RIMKLB: variants seen among roughly 807,000 people sequenced by gnomAD.
RIMKLB encodes ribosomal modification protein rimK like family member B, also known as beta-citrylglutamate synthase B.
A neutral mutation model predicts 32.0 loss-of-function variants in RIMKLB; 7 were observed. That is an observed-to-expected ratio of 0.22 (90% CI 0.12 to 0.41). RIMKLB has a LOEUF of 0.41. Ranked by LOEUF, RIMKLB falls within the 10% of genes least tolerant of loss-of-function variation. The pLI is 1.00. For synonymous variants in RIMKLB, 172 were observed against 185.1 expected (o/e 0.93, Z 0.57); for missense variants, 289 against 498.7 (o/e 0.58, Z 4.00).
chr12:8,692,003 G>T (rs760056586), intron 1 of RIMKLB, among the ~76,000 whole-genome samples: 2 of 149,538 alleles, frequency 1.3e-5, no homozygotes, highest in Non-Finnish European at 3.0e-5. Context: ...CCAAGAGAGG[G>T]TTTTTTTTTT....
intron 2 of RIMKLB, among the ~76,000 whole-genome samples, chr12:8,733,123 T>C (rs1465222237): frequency 6.6e-6 from 1 of 152,174 alleles, no homozygotes; most frequent in Non-Finnish European, 1.5e-5. Flanking sequence ...GACATTTTGT[T>C]TGAAACAACT....
chr12:8,758,711 C>G (rs1310892874), intron 5 of RIMKLB, among the ~76,000 whole-genome samples: 4 of 152,298 alleles, frequency 2.6e-5, no homozygotes, highest in Admixed American at 2.6e-4. Context: ...TTTTGCTGTT[C>G]AGCATCATGA....
chr12:8,698,854 A>G (rs1485554025), intron 1 of RIMKLB, among the ~76,000 whole-genome samples: 1 of 152,166 alleles, frequency 6.6e-6, no homozygotes, highest in Non-Finnish European at 1.5e-5. Flanking sequence ...TTCCTTTGAC[A>G]GTCTCTGAAT....
chr12:8,680,096 C>T (rs60389926), upstream of RIMKLB, among the ~76,000 whole-genome samples: 4,491 of 152,230 alleles, frequency 0.03, 216 homozygotes, highest in African/African-American at 0.1. Flanking sequence ...AGTTTACAAA[C>T]GCCATAACAA....
intron 1 of RIMKLB, chr12:8,699,736 C>CT (rs1943219531): frequency 1.3e-5 from 2 of 152,248 alleles, no homozygotes; most frequent in African/African-American, 4.8e-5. Flanking sequence ...TGTTTTTTAT[C>CT]TTTCTCTGTC....
chr12:8,698,231 C>T lies in RIMKLB; in HGVS notation c.-123C>T, dbSNP rs1035947358. The T allele has an allele frequency of 2.7e-6, 1 of 373,476 alleles. No homozygotes were observed. Among genetic ancestry groups the T allele is most frequent in the Non-Finnish European group, 5.4e-6 (1 of 183,626 alleles). 23.1% of individuals were successfully genotyped at this position (373,476 alleles called of 1,614,324 possible). A position where few individuals can be genotyped will look rare whatever the true frequency, so the allele number is the denominator to read the frequency against. ...CCCCACTTCCAGCCGCCCGGCGGCC[C>T]GCGCTTCCTCGAAGGCCCCAGCCCG... On this transcript the variant is annotated 5_prime_UTR_variant, in exon 1 of 6. Coordinates refer to ENST00000535829, the MANE Select transcript of RIMKLB (RefSeq NM_001297776.2).
intron 2 of RIMKLB, among the ~76,000 whole-genome samples, chr12:8,718,653 C>CTA (rs369394381): frequency 6.6e-4 from 91 of 138,436 alleles, no homozygotes; most frequent in Non-Finnish European, 7.9e-4. Flanking sequence ...CTCTCTCTCT[C>CTA]TATATATATA....
chr12:8,755,256 C>T (rs1325846740), intron 5 of RIMKLB, among the ~76,000 whole-genome samples: 2 of 151,064 alleles, frequency 1.3e-5, no homozygotes, highest in South Asian at 2.1e-4. Context: ...CAGCGCCGGG[C>T]TAATTTTTTA....
rs145985397 is a variant in RIMKLB at position 8,719,215 on chromosome 12, C to T, written c.175+5174C>T. ...TAGTAATATGAATTTAAGGTTTTTC[C>T]ACGTCTTTTCCTGGCTTGAGAGCTC... is the stretch of plus-strand genomic sequence containing the variant. On this transcript the variant is annotated intron_variant, in intron 2 of 5. Coordinates refer to ENST00000535829, the MANE Select transcript of RIMKLB (RefSeq NM_001297776.2). Among the ~76,000 whole-genome samples, 32 of 152,212 alleles carry T rather than the reference C, an allele frequency of 2.1e-4. No individual in the cohort carries two copies. In the East Asian group the frequency reaches 6.0e-3, roughly 28 times the overall value.
At chr12:8,698,583 A>T (rs1368088170) in intron 1 of RIMKLB, among the ~76,000 whole-genome samples, 1 of 151,974 alleles carries the variant, frequency 6.6e-6, no homozygotes. Context: ...GGGGGCGGCG[A>T]CTTCGGGCGT....
At position 8,774,900 on chromosome 12, in the gene RIMKLB, G is replaced by A. The variant is rs775598244; in HGVS notation, c.*1116G>A. 76 of 985,628 alleles carry A rather than the reference G, an allele frequency of 7.7e-5. No individual in the cohort carries two copies. Among genetic ancestry groups the A allele is most frequent in the East Asian group, 1.1e-4 (1 of 8,820 alleles). The allele number at this position is 985,628 out of a possible 1,614,324, so 61.1% of individuals were successfully genotyped here. A position where few individuals can be genotyped will look rare whatever the true frequency, so the allele number is the denominator to read the frequency against. ...TGTGTATGTGTGTGCACGCATGCATGTGTATGTGTTTTGCTTTTTGTTTCC... is the reference window on the plus strand; with the variant it reads ...TGTGTATGTGTGTGCACGCATGCATATGTATGTGTTTTGCTTTTTGTTTCC... On this transcript the variant is annotated 3_prime_UTR_variant, in exon 6 of 6. Coordinates refer to ENST00000535829, the MANE Select transcript of RIMKLB (RefSeq NM_001297776.2).
upstream of RIMKLB, among the ~76,000 whole-genome samples, chr12:8,693,065 C>G (rs765443094): frequency 6.6e-6 from 1 of 152,286 alleles, no homozygotes; most frequent in South Asian, 2.1e-4. Context: ...TGATCAAATC[C>G]CCGCTAGTTT....
At chr12:8,701,899 G>C (rs1163883267) in intron 1 of RIMKLB, among the ~76,000 whole-genome samples, 1 of 151,706 alleles carries the variant, frequency 6.6e-6, no homozygotes, top group Admixed American at 6.6e-5. Context: ...CAGCTACTCG[G>C]GGGGGCTGAG....
At chr12:8,691,714 T>G (rs55645860) in intron 1 of RIMKLB, among the ~76,000 whole-genome samples, 70 of 152,316 alleles carry the variant, frequency 4.6e-4, no homozygotes, top group African/African-American at 1.7e-3. Context: ...GATAACCACA[T>G]GAACTTAGAC....
chr12:8,750,529 C>A (rs1443152387), intron 3 of RIMKLB, among the ~76,000 whole-genome samples: 2 of 152,024 alleles, frequency 1.3e-5, no homozygotes, highest in Non-Finnish European at 1.5e-5. Flanking sequence ...TTTTCATTTT[C>A]TTCATTACCA....
chr12:8,711,422 C>T (rs1026135540), intron 1 of RIMKLB, among the ~76,000 whole-genome samples: 1 of 151,918 alleles, frequency 6.6e-6, no homozygotes, highest in Non-Finnish European at 1.5e-5. Context: ...CATCTGCAAA[C>T]GGATGAGTTT....
upstream of RIMKLB, among the ~76,000 whole-genome samples, chr12:8,678,351 A>C (rs1015811248): frequency 1.4e-5 from 2 of 147,032 alleles, no homozygotes; most frequent in East Asian, 4.0e-4. Flanking sequence ...TTTTTTTGAG[A>C]TGGAGTTTCG....
intron 2 of RIMKLB, among the ~76,000 whole-genome samples, chr12:8,746,048 T>TG (rs1236957778): frequency 6.6e-6 from 1 of 151,844 alleles, no homozygotes; most frequent in African/African-American, 2.4e-5. Context: ...CCAGTATGAC[T>TG]GTATACATAT....
intron 5 of RIMKLB, among the ~76,000 whole-genome samples, chr12:8,760,071 A>G (rs968333351): frequency 2.0e-5 from 3 of 152,244 alleles, no homozygotes; most frequent in Admixed American, 6.5e-5. Context: ...CATTAGGTAT[A>G]TCTCCTAATG....
Sources: allele counts gnomAD v4.1 joint callset (sites outside exome capture counted in the v4.1 genomes callset), GRCh38; gene constraint gnomAD v4.1.1; transcripts MANE v1.5; gene names NCBI Gene and HGNC (gene_info 2026-07-23, HGNC 2026-07-21).